LRRC4C: variants seen among roughly 807,000 people sequenced by gnomAD.
LRRC4C encodes the protein leucine rich repeat containing 4C.
In LRRC4C, 5 loss-of-function variants were observed where a neutral mutation model predicts 33.6. The ratio of observed to expected loss-of-function variants is 0.15; its 90% CI spans 0.08 to 0.31. The LOEUF (loss-of-function observed/expected upper bound fraction) is 0.31. Among genes scored for constraint, LRRC4C ranks in the 10% least tolerant of loss-of-function variants. LRRC4C has a pLI of 1.00. For synonymous variants in LRRC4C, 329 were observed against 302.0 expected, an observed-to-expected ratio of 1.09 and a Z score of -0.93; for missense variants, 560 against 796.7, an observed-to-expected ratio of 0.70 and a Z score of 3.58.
intron 1 of LRRC4C, among the ~76,000 whole-genome samples, chr11:41,186,164 A>G (rs1945686423): frequency 6.6e-6 from 1 of 152,184 alleles, no homozygotes; most frequent in South Asian, 2.1e-4. Context: ...AAGCCAAAAA[A>G]AGGAGAAAGA....
chr11:41,452,648 C>T (rs532477494), intron 1 of LRRC4C, among the ~76,000 whole-genome samples: 12 of 152,082 alleles, frequency 7.9e-5, no homozygotes, highest in East Asian at 5.8e-4. Context: ...ATTCTGAATT[C>T]GTTCTCTTTC....
At chr11:41,242,011 T>A (rs1948271066) in intron 1 of LRRC4C, among the ~76,000 whole-genome samples, 1 of 152,200 alleles carries the variant, frequency 6.6e-6, no homozygotes, top group African/African-American at 2.4e-5. Flanking sequence ...TTTTTTTGTA[T>A]GTGTGAATTG....
chr11:40,515,445 TCTTA>T (rs1434768552), intron 3 of LRRC4C, among the ~76,000 whole-genome samples: 2 of 152,062 alleles, frequency 1.3e-5, no homozygotes, highest in Non-Finnish European at 2.9e-5. Flanking sequence ...TATTGTCTAA[TCTTA>T]CTTAAAAACT....
intron 5 of LRRC4C, among the ~76,000 whole-genome samples, chr11:40,187,623 G>C (rs533737627): frequency 6.6e-6 from 1 of 151,802 alleles, no homozygotes; most frequent in African/African-American, 2.4e-5. Context: ...TGGTATACAC[G>C]CAAGGGCAAA....
chr11:40,964,142 G>A (rs773265236), intron 1 of LRRC4C, among the ~76,000 whole-genome samples: 3 of 151,408 alleles, frequency 2.0e-5, no homozygotes, highest in South Asian at 4.2e-4. Context: ...CTCATAGAAA[G>A]GTTGTGAGGA....
chr11:40,185,336 G>A (rs1224237047), intron 5 of LRRC4C, among the ~76,000 whole-genome samples: 3 of 151,984 alleles, frequency 2.0e-5, no homozygotes, highest in Non-Finnish European at 4.4e-5. Context: ...AGCCTCCAGG[G>A]CTTAATAGAA....
At chr11:41,420,785 C>T (rs1300751912) in intron 1 of LRRC4C, among the ~76,000 whole-genome samples, 1 of 151,918 alleles carries the variant, frequency 6.6e-6, no homozygotes, top group East Asian at 1.9e-4. Context: ...AATAATTACA[C>T]CTGCTGTCTG....
chr11:40,624,228 T>TA (rs1962723049), intron 3 of LRRC4C, among the ~76,000 whole-genome samples: 1 of 152,126 alleles, frequency 6.6e-6, no homozygotes, highest in Admixed American at 6.6e-5. Flanking sequence ...CACTATAAGA[T>TA]ATGTTTTTTG....
At chr11:40,222,293 T>C (rs1864478845) in intron 5 of LRRC4C, among the ~76,000 whole-genome samples, 1 of 152,200 alleles carries the variant, frequency 6.6e-6, no homozygotes, top group Non-Finnish European at 1.5e-5. Flanking sequence ...ATCATTTAAC[T>C]GTTTTGAGCC....
At chr11:40,670,409 T>C (rs1177135179) in intron 2 of LRRC4C, among the ~76,000 whole-genome samples, 1 of 152,164 alleles carries the variant, frequency 6.6e-6, no homozygotes, top group African/African-American at 2.4e-5. Context: ...TCAACTCCAG[T>C]GGGGAGACTG....
rs116532824 is a variant in LRRC4C at position 40,648,765 on chromosome 11, T to C, written c.-406-487A>G. Among the ~76,000 whole-genome samples the C allele has an allele frequency of 4.7e-3, 716 of 152,282 alleles. 6 individuals carry two copies. The highest frequency in any genetic ancestry group is 0.017 in the African/African-American group (690 of 41,552). ...CTTTTGTTAGCCTCATTTTTCAAAT[T>C]GTAATCGGGAGAACCCACTCCCAAT... is the stretch of plus-strand genomic sequence containing the variant. On this transcript the variant is annotated intron_variant, in intron 2 of 6. Transcript: ENST00000528697.
chr11:41,131,601 G>T (rs1943015987), intron 1 of LRRC4C, among the ~76,000 whole-genome samples: 1 of 151,982 alleles, frequency 6.6e-6, no homozygotes, highest in Non-Finnish European at 1.5e-5. Flanking sequence ...ATCTTGAATA[G>T]GTACTAAGTA....
At chr11:40,641,234 C>A (rs1942103518) in intron 3 of LRRC4C, among the ~76,000 whole-genome samples, 1 of 152,020 alleles carries the variant, frequency 6.6e-6, no homozygotes, top group African/African-American at 2.4e-5. Context: ...GTTTAGAGTT[C>A]TAAGCCTAAT....
intron 1 of LRRC4C, among the ~76,000 whole-genome samples, chr11:41,418,540 A>T (rs1954768317): frequency 1.3e-5 from 2 of 152,028 alleles, no homozygotes. Context: ...CGCCCATGAC[A>T]CAAAAATGGA....
chr11:41,404,527 G>A (rs946952426), intron 1 of LRRC4C, among the ~76,000 whole-genome samples: 4 of 69,388 alleles, frequency 5.8e-5, no homozygotes, highest in African/African-American at 1.8e-4. Context: ...CAGACACAAA[G>A]ACACACAGAC....
intron 1 of LRRC4C, among the ~76,000 whole-genome samples, chr11:41,401,636 G>C (rs756903819): frequency 2.6e-5 from 4 of 151,842 alleles, no homozygotes; most frequent in Non-Finnish European, 5.9e-5. Flanking sequence ...ATGTTTAACC[G>C]GGAAGAGACC....
At chr11:41,433,485 G>A (rs1437235276) in intron 1 of LRRC4C, among the ~76,000 whole-genome samples, 1 of 152,166 alleles carries the variant, frequency 6.6e-6, no homozygotes, top group East Asian at 1.9e-4. Flanking sequence ...GGGTGTGTCT[G>A]TGAGGGTGTT....
At chr11:41,210,433 A>G (rs758292256) in intron 1 of LRRC4C, among the ~76,000 whole-genome samples, 27 of 152,118 alleles carry the variant, frequency 1.8e-4, no homozygotes, top group African/African-American at 6.3e-4. Flanking sequence ...ACCATGTAAG[A>G]CATGGCTTTC....
intron 1 of LRRC4C, among the ~76,000 whole-genome samples, chr11:41,204,811 T>C (rs1946534052): frequency 6.6e-6 from 1 of 152,150 alleles, no homozygotes; most frequent in African/African-American, 2.4e-5. Context: ...TGGACAATAT[T>C]GTACCTTCAA....
Sources: allele counts gnomAD v4.1 joint callset (sites outside exome capture counted in the v4.1 genomes callset), GRCh38; gene constraint gnomAD v4.1.1; transcripts MANE v1.5; gene names NCBI Gene and HGNC (gene_info 2026-07-23, HGNC 2026-07-21).